Variants in THSD7A observed in about 807,000 individuals in gnomAD.
THSD7A encodes the protein thrombospondin type-1 domain-containing protein 7A.
Under a neutral mutation model 231.3 loss-of-function variants are expected in THSD7A, and 96 were observed. The ratio of observed to expected loss-of-function variants is 0.41; its 90% CI spans 0.35 to 0.49. The LOEUF (loss-of-function observed/expected upper bound fraction) is 0.49. THSD7A is among the 20% of genes least tolerant of loss of function. The pLI is 0.05. For synonymous variants in THSD7A, 940 were observed against 743.3 expected (o/e 1.26, Z -4.30); for missense variants, 2,290 against 2,070.2 (o/e 1.11, Z -2.06).
chr7:11,589,222 T>C (rs1464602943), intron 4 of THSD7A, among the ~76,000 whole-genome samples: 1 of 152,192 alleles, frequency 6.6e-6, no homozygotes, highest in Non-Finnish European at 1.5e-5. Flanking sequence ...TACCAAGGTA[T>C]TTTCTAGGAA....
chr7:11,786,515 G>T (rs759681516), intron 1 of THSD7A, among the ~76,000 whole-genome samples: 1 of 151,946 alleles, frequency 6.6e-6, no homozygotes, highest in African/African-American at 2.4e-5. Flanking sequence ...GCTACAAAAG[G>T]TATGAAAGCA....
chr7:11,658,260 T>A (rs907900917), intron 1 of THSD7A, among the ~76,000 whole-genome samples: 4 of 151,800 alleles, frequency 2.6e-5, no homozygotes, highest in Middle Eastern at 3.2e-3. Context: ...AATGAAGACA[T>A]AACAGCAAAC....
intron 11 of THSD7A, among the ~76,000 whole-genome samples, chr7:11,451,317 T>C (rs1314485336): frequency 2.0e-5 from 3 of 152,046 alleles, no homozygotes; most frequent in African/African-American, 7.2e-5. Context: ...TAGATAAAAG[T>C]ATTAGATAGT....
At chr7:11,756,417 T>G (rs1201682433) in intron 1 of THSD7A, among the ~76,000 whole-genome samples, 1 of 151,970 alleles carries the variant, frequency 6.6e-6, no homozygotes, top group African/African-American at 2.4e-5. Flanking sequence ...TGGGAAATAC[T>G]TGGGGAGTAA....
chr7:11,571,629 T>C (rs1383719238), intron 4 of THSD7A, among the ~76,000 whole-genome samples: 1 of 152,240 alleles, frequency 6.6e-6, no homozygotes, highest in East Asian at 1.9e-4. Context: ...ACCACTTCTC[T>C]CAGTTACCAT....
intron 4 of THSD7A, among the ~76,000 whole-genome samples, chr7:11,588,822 G>T (rs1780029122): frequency 6.6e-6 from 1 of 152,120 alleles, no homozygotes; most frequent in South Asian, 2.1e-4. Flanking sequence ...CATTAAAGTG[G>T]CCAAGAAAAT....
intron 1 of THSD7A, among the ~76,000 whole-genome samples, chr7:11,776,168 T>C (rs1028706834): frequency 1.3e-5 from 2 of 152,154 alleles, no homozygotes; most frequent in African/African-American, 4.8e-5. Flanking sequence ...ATAGCCCCTT[T>C]TGGAGGGGAA....
intron 1 of THSD7A, among the ~76,000 whole-genome samples, chr7:11,783,342 A>T (rs1483488215): frequency 6.6e-6 from 1 of 152,182 alleles, no homozygotes; most frequent in Non-Finnish European, 1.5e-5. Context: ...TGCATATCTC[A>T]TATAATTTAC....
chr7:11,418,718 C>G (rs1007297850), intron 16 of THSD7A, among the ~76,000 whole-genome samples: 1 of 152,136 alleles, frequency 6.6e-6, no homozygotes, highest in African/African-American at 2.4e-5. Flanking sequence ...TTAGGAATGT[C>G]CTTTCCCTGT....
intron 4 of THSD7A, among the ~76,000 whole-genome samples, chr7:11,557,874 G>C (rs966172484): frequency 6.6e-6 from 1 of 152,106 alleles, no homozygotes. Context: ...AGTGTTGAGC[G>C]ACTCATTACA....
chr7:11,547,661 C>A (rs1466761349), intron 4 of THSD7A, among the ~76,000 whole-genome samples: 2 of 152,002 alleles, frequency 1.3e-5, no homozygotes, highest in Non-Finnish European at 2.9e-5. Context: ...TATCAACCAC[C>A]CTCTCAGACC....
chr7:11,387,206 T>G (rs2115317404), intron 23 of THSD7A, among the ~76,000 whole-genome samples: 1 of 152,322 alleles, frequency 6.6e-6, no homozygotes, highest in South Asian at 2.1e-4. Flanking sequence ...TCTTTTTTTG[T>G]TCCAGATGAA....
chr7:11,554,445 G>T (rs1188788882), intron 4 of THSD7A, among the ~76,000 whole-genome samples: 1 of 151,938 alleles, frequency 6.6e-6, no homozygotes, highest in African/African-American at 2.4e-5. Context: ...TTAGCTATAG[G>T]TTTTCCTAGG....
chr7:11,416,482 C>G (rs1267470982), intron 17 of THSD7A, among the ~76,000 whole-genome samples: 1 of 152,164 alleles, frequency 6.6e-6, no homozygotes, highest in Non-Finnish European at 1.5e-5. Flanking sequence ...AATTGTATAT[C>G]CTTGTGAAAC....
intron 1 of THSD7A, among the ~76,000 whole-genome samples, chr7:11,763,590 C>A (rs546192953): frequency 6.6e-6 from 1 of 151,992 alleles, no homozygotes; most frequent in Non-Finnish European, 1.5e-5. Context: ...AAACAATCAA[C>A]TCAAAAAATG....
chr7:11,621,539 T>C (rs939713196), intron 2 of THSD7A, among the ~76,000 whole-genome samples: 9 of 152,248 alleles, frequency 5.9e-5, no homozygotes, highest in African/African-American at 1.9e-4. Context: ...GATTTATCTT[T>C]TTTATTATAT....
chr7:11,590,655 A>C lies in THSD7A; in HGVS notation c.1272-14T>G, dbSNP rs371368351. The stretch of plus-strand genomic sequence containing the variant: ...CTCCAGCCATACCTAAATAAAGACA[A>C]CACCACCAGCAGCAACCATAATTAT... On this transcript the variant is annotated splice_polypyrimidine_tract_variant and intron_variant, in intron 3 of 27. Coordinates refer to ENST00000423059, the MANE Select transcript of THSD7A (RefSeq NM_015204.3). The surrounding 1 kb of genome is among the most constrained non-coding windows in gnomAD (Gnocchi z 4.4). 235 of 1,587,894 alleles carry C rather than the reference A, an allele frequency of 1.5e-4. No homozygotes were observed. Among genetic ancestry groups the C allele is most frequent in the South Asian group, 2.5e-4 (22 of 87,570 alleles).
chr7:11,490,692 C>T (rs1239112308), intron 6 of THSD7A, among the ~76,000 whole-genome samples: 2 of 151,918 alleles, frequency 1.3e-5, no homozygotes, highest in Admixed American at 6.6e-5. Context: ...TGATTTCATT[C>T]CTCTCAGTTG....
At chr7:11,738,192 T>C (rs137896842) in intron 1 of THSD7A, among the ~76,000 whole-genome samples, 1,704 of 152,092 alleles carry the variant, frequency 0.011, 30 homozygotes, top group African/African-American at 0.039. Context: ...ATTTTGGATT[T>C]TGGAATATTG....
Sources: gnomAD v4.1 joint callset for allele counts (sites outside exome capture counted in the v4.1 genomes callset) on GRCh38, gnomAD v4.1.1 for gene constraint, Gnocchi (gnomAD v3.1) non-coding constraint, MANE v1.5 for transcripts, NCBI Gene and HGNC (gene_info 2026-07-23, HGNC 2026-07-21) for gene names.